The following MAP4K3 variants were observed in gnomAD, a reference collection of about 807,000 sequenced individuals.
MAP4K3 encodes the protein mitogen-activated protein kinase kinase kinase kinase 3.
A neutral mutation model predicts 143.5 loss-of-function variants in MAP4K3; 94 were observed. That is an observed-to-expected ratio of 0.65 (90% confidence interval 0.55 to 0.78). MAP4K3 has a LOEUF of 0.78. MAP4K3 is among the 30% of genes least tolerant of loss of function. MAP4K3 has a pLI of 0.00. For missense variants in MAP4K3, 1,077 were observed against 1,068.1 expected (o/e 1.01, Z -0.12); for synonymous variants, 416 against 347.2 (o/e 1.20, Z -2.20).
chr2:39,390,989 G>A (rs1666635575), intron 1 of MAP4K3, among the ~76,000 whole-genome samples: 1 of 152,132 alleles, frequency 6.6e-6, no homozygotes, highest in Admixed American at 6.5e-5. Flanking sequence ...GCCTGGAGCA[G>A]CAGAATAGTA....
chr2:39,414,112 T>C (rs545100327), intron 1 of MAP4K3, among the ~76,000 whole-genome samples: 133 of 152,326 alleles, frequency 8.7e-4, no homozygotes, highest in Admixed American at 3.9e-3. Context: ...GTCTTGATAC[T>C]TTACAATAAG....
At chr2:39,342,160 A>G (rs956300670) in intron 4 of MAP4K3, among the ~76,000 whole-genome samples, 25 of 148,836 alleles carry the variant, frequency 1.7e-4, no homozygotes, top group African/African-American at 6.2e-4. Flanking sequence ...TTATTTTGAG[A>G]CAGAGTCTCG....
intron 13 of MAP4K3, 109 bp downstream of exon 13, chr2:39,315,199 AGT>A (rs1683071988): frequency 3.0e-6 from 2 of 656,934 alleles, no homozygotes; most frequent in Non-Finnish European, 4.9e-6. Context: ...TACCTTTAAC[AGT>A]GTTTAGTAAG....
chr2:39,358,873 G>A (rs1171169645), intron 2 of MAP4K3, among the ~76,000 whole-genome samples: 1 of 152,126 alleles, frequency 6.6e-6, no homozygotes, highest in Non-Finnish European at 1.5e-5. Flanking sequence ...CACAACCCAT[G>A]GGGATTATGG....
chr2:39,265,928 A>C (rs1680745132), intron 27 of MAP4K3, among the ~76,000 whole-genome samples: 1 of 152,154 alleles, frequency 6.6e-6, no homozygotes, highest in South Asian at 2.1e-4. Context: ...ATGTGAAGTA[A>C]ATATATTTGG....
Position 39,267,535 on chromosome 2 carries a change from T to C in MAP4K3, c.1974-288A>G, listed in dbSNP as rs188421760. On this transcript the variant is annotated intron_variant, in intron 26 of 33. Transcript: ENST00000263881. ...AAAATACAAAAAAATTAGCCAGGCATGGTGGTGTATGCCTGTAATCCCAGC... is the reference window on the plus strand; with the variant it reads ...AAAATACAAAAAAATTAGCCAGGCACGGTGGTGTATGCCTGTAATCCCAGC... 1,192 of 298,816 alleles carry C rather than the reference T, an allele frequency of 4.0e-3. 16 individuals are homozygous for C. The highest frequency in any genetic ancestry group is 0.024 in the African/African-American group (1,125 of 46,614). 18.5% of individuals were successfully genotyped at this position (298,816 alleles called of 1,614,324 possible).
At chr2:39,338,576 C>T (rs927161817) in intron 4 of MAP4K3, among the ~76,000 whole-genome samples, 13 of 152,190 alleles carry the variant, frequency 8.5e-5, no homozygotes, top group African/African-American at 3.1e-4. Context: ...GAAACCTACT[C>T]TTTTCACTTA....
intron 1 of MAP4K3, among the ~76,000 whole-genome samples, chr2:39,415,708 T>C (rs1667350491): frequency 6.6e-6 from 1 of 151,340 alleles, no homozygotes; most frequent in South Asian, 2.1e-4. Flanking sequence ...TCACAGCACT[T>C]TGGAAGGCCG....
chr2:39,288,779 G>A (rs895840985), intron 19 of MAP4K3, among the ~76,000 whole-genome samples: 2 of 152,188 alleles, frequency 1.3e-5, no homozygotes, highest in African/African-American at 2.4e-5. Flanking sequence ...GTGGCCGGGT[G>A]CGGTGGCTCA....
At chr2:39,374,853 TAAAA>T (rs1017402876) in intron 2 of MAP4K3, among the ~76,000 whole-genome samples, 1 of 151,914 alleles carries the variant, frequency 6.6e-6, no homozygotes. Context: ...TTATCAGCTG[TAAAA>T]AAAGGAAAAA....
In MAP4K3 at chr2:39,300,052, TTTAA is replaced by T. The variant is rs143723980; in HGVS notation, c.1120-255_1120-252del. Among the ~76,000 whole-genome samples the T allele has an allele frequency of 2.4e-3, 373 of 152,254 alleles. 10 individuals are homozygous for T. In the East Asian group the frequency reaches 0.041, roughly 17 times the overall value. ...AAGTTTCATTTTTGGTTACTGTTACTTTAATTAACTTTTGTAAAAATCAGTTTTT... is the reference window on the plus strand; with the variant it reads ...AAGTTTCATTTTTGGTTACTGTTACTTTAACTTTTGTAAAAATCAGTTTTT... On this transcript the variant is annotated intron_variant, in intron 15 of 33. Coordinates refer to ENST00000263881, the MANE Select transcript of MAP4K3 (RefSeq NM_003618.4).
chr2:39,330,820 A>C (rs1683658055), intron 8 of MAP4K3, among the ~76,000 whole-genome samples: 1 of 152,160 alleles, frequency 6.6e-6, no homozygotes, highest in South Asian at 2.1e-4. Context: ...AAGTAAATTT[A>C]AAATGAAATT....
At chr2:39,267,167 T>C (rs755536662) in intron 27 of MAP4K3, 22 bp downstream of exon 27, 2 of 1,612,090 alleles carry the variant, frequency 1.2e-6, no homozygotes, top group South Asian at 2.2e-5. Context: ...GAGAGCTATA[T>C]GCTATTGGAC....
At chr2:39,258,169 T>A (rs1680421667) in intron 31 of MAP4K3, among the ~76,000 whole-genome samples, 179 bp downstream of exon 31, 1 of 152,190 alleles carries the variant, frequency 6.6e-6, no homozygotes, top group Non-Finnish European at 1.5e-5. Context: ...TGGCCTCAAG[T>A]GATCCACCCA....
intron 16 of MAP4K3, 61 bp from the exon 17 acceptor site, chr2:39,293,329 G>A (rs925839503): frequency 9.4e-7 from 1 of 1,060,094 alleles, no homozygotes; most frequent in Non-Finnish European, 1.4e-6. Context: ...AATATCGAAT[G>A]TGTTTTTATC....
intron 12 of MAP4K3, among the ~76,000 whole-genome samples, chr2:39,318,441 T>C (rs1431959646): frequency 6.6e-6 from 1 of 152,264 alleles, no homozygotes; most frequent in African/African-American, 2.4e-5. Context: ...AGATCACTAA[T>C]AAAAATGGTA....
chr2:39,269,125 T>TA (rs1403089187), intron 26 of MAP4K3, among the ~76,000 whole-genome samples: 39 of 139,350 alleles, frequency 2.8e-4, no homozygotes, highest in African/African-American at 9.8e-4. Context: ...TTTTTTTTTT[T>TA]AGAGTTGTAC....
chr2:39,431,319 G>C (rs1281017158), intron 1 of MAP4K3, among the ~76,000 whole-genome samples: 1 of 152,156 alleles, frequency 6.6e-6, no homozygotes, highest in East Asian at 1.9e-4. Context: ...GAGCATTTGT[G>C]ATTAAATGCC....
chr2:39,352,423 C>T (rs928566511), intron 3 of MAP4K3, among the ~76,000 whole-genome samples: 1 of 152,064 alleles, frequency 6.6e-6, no homozygotes, highest in Non-Finnish European at 1.5e-5. Context: ...TTAGAAGGAA[C>T]CTGAAATTAA....
Sources: gnomAD v4.1 joint callset for allele counts (sites outside exome capture counted in the v4.1 genomes callset) on GRCh38, gnomAD v4.1.1 for gene constraint, MANE v1.5 for transcripts, NCBI Gene and HGNC (gene_info 2026-07-23, HGNC 2026-07-21) for gene names.